Variants in OC90 observed in about 807,000 individuals in gnomAD.
The protein encoded by OC90 is otoconin-90.
In OC90, 46 loss-of-function variants were observed where a neutral mutation model predicts 47.3. That is an observed-to-expected ratio of 0.97 (90% CI 0.77 to 1.24). The LOEUF is 1.24. OC90 is among the 50% of genes most tolerant of loss of function. The probability of loss-of-function intolerance (pLI) is 0.00; values close to 1 mark genes in which losing one functional copy is unlikely to be tolerated. For missense variants in OC90, 688 were observed against 583.9 expected, an observed-to-expected ratio of 1.18 and a Z score of -1.84; for synonymous variants, 271 against 219.5, an observed-to-expected ratio of 1.23 and a Z score of -2.07.
At chr8:132,054,051 T>A (rs1304363044) in intron 2 of OC90, among the ~76,000 whole-genome samples, 1 of 152,254 alleles carries the variant, frequency 6.6e-6, no homozygotes, top group African/African-American at 2.4e-5. Flanking sequence ...GGGGCAGCCA[T>A]GAGAAGGGAC....
chr8:132,028,621 G>A (rs1822807409), intron 13 of OC90, among the ~76,000 whole-genome samples: 2 of 45,186 alleles, frequency 4.4e-5, no homozygotes, highest in African/African-American at 1.2e-4. Context: ...GAAGGAGGAA[G>A]GAAGGAAGGA....
Position 132,035,927 on chromosome 8 carries a change from G to C in OC90, c.680-1093C>G, listed in dbSNP as rs186451818. Among the ~76,000 whole-genome samples the C allele has an allele frequency of 2.6e-5, 4 of 152,180 alleles. No homozygotes were observed. In the South Asian group the frequency reaches 8.3e-4, roughly 32 times the overall value. On this transcript the variant is annotated intron_variant, in intron 9 of 13. Transcript: ENST00000254627. ...GAGGCCCTCAACAAGATCACTGCTC[G>C]TTAACCAAAGAACCCATTTACTTAC...
At chr8:132,029,009 G>A in intron 13 of OC90, 64 bp downstream of exon 13, 1 of 1,114,082 alleles carries the variant, frequency 9.0e-7, no homozygotes, top group Non-Finnish European at 1.4e-6. Flanking sequence ...CCACAAGTCT[G>A]AGCTACAGTC....
rs1168690544 is a variant in OC90, at chr8:132,032,009, G to C, written c.903C>G (p.Asn301Lys). 2 of 1,614,008 alleles carry C rather than the reference G, an allele frequency of 1.2e-6. No individual in the cohort carries two copies. The highest frequency in any genetic ancestry group is 4.5e-5 in the East Asian group (2 of 44,876). Residue 301 changes from asparagine (N) to lysine (K), a missense_variant, in exon 12 of 14, where the codon AAC (asparagine) becomes AAG (lysine). Coordinates refer to ENST00000254627, the MANE Select transcript of OC90 (RefSeq NM_001080399.3). Reference sequence around the variant, plus strand: ...CTCCAAGCTGTGGCATCACCTGCATGTTGTCCCCACTTCCCAGGTGCAGGA... The same window carrying C: ...CTCCAAGCTGTGGCATCACCTGCATCTTGTCCCCACTTCCCAGGTGCAGGA... ...FTFLHLGSGD[N>K]MQVMPQLGEM...
intron 1 of OC90, among the ~76,000 whole-genome samples, chr8:132,057,563 T>C (rs1823293181): frequency 6.6e-6 from 1 of 152,140 alleles, no homozygotes; most frequent in African/African-American, 2.4e-5. Context: ...GTCCTGGAGG[T>C]GGACAGTGGC....
rs775171724 is a variant in OC90 at position 132,024,615 on chromosome 8, C to T, written c.1300G>A (p.Ala434Thr). 3.5e-5 allele frequency: 56 copies of T among 1,613,274 alleles called. No individual in the cohort carries two copies. Among genetic ancestry groups the T allele is most frequent in the South Asian group, 8.8e-5 (8 of 90,966 alleles). ...GAGCTGGAGCCCAGGGTGGGGGCTG[C>T]GGGCACAGGGTGCAGGCTGTCTTCA... ...ACEDSLHPVP[A>T]APTLGSSSEE... is the part of the protein sequence containing the mutation. The change falls in exon 14 of 14, where the codon GCA (alanine) becomes ACA (threonine). Residue 434 changes from alanine (A) to threonine (T), a missense_variant. Ala to Thr is a moderately conservative substitution (Grantham distance 58). Transcript: ENST00000254627.
chr8:132,041,689 G>T lies in OC90; in HGVS notation c.180C>A (p.Gly60=). The T allele has an allele frequency of 6.3e-7, 1 of 1,579,978 alleles. No homozygotes were observed. The part of the protein sequence containing the change: ...ESVAEIFDCL[G]PHFTWLQAVF... ...CAGCCTGCAGCCAGGTGAAGTGGGG[G>T]CCCAGGCAATCTGTGGGGGTGGGGG... The change falls in exon 5 of 14, where the codon GGC becomes GGA. Residue 60 remains glycine, a synonymous_variant. Coordinates refer to ENST00000254627, the MANE Select transcript of OC90 (RefSeq NM_001080399.3).
chr8:132,041,949 CCTTAGGGTATTT>C (rs1460046691), intron 4 of OC90, among the ~76,000 whole-genome samples: 5 of 152,158 alleles, frequency 3.3e-5, no homozygotes, highest in African/African-American at 1.2e-4. Context: ...TACCTAAGTT[CCTTAGGGTATTT>C]CATAATCACT....
intron 1 of OC90, among the ~76,000 whole-genome samples, 159 bp downstream of exon 1, chr8:132,059,182 C>A (rs1383490203): frequency 6.6e-6 from 1 of 151,028 alleles, no homozygotes; most frequent in Non-Finnish European, 1.5e-5. Flanking sequence ...TCCCTCCCTC[C>A]CTCACTCTTT....
At chr8:132,040,900 C>T (rs866935531) in intron 6 of OC90, 144 bp downstream of exon 6, 12 of 630,150 alleles carry the variant, frequency 1.9e-5, no homozygotes, top group East Asian at 5.3e-5. Flanking sequence ...ATCCAGCCCT[C>T]GTGGGGCTCT....
At chr8:132,053,523 T>C (rs960517867) in intron 2 of OC90, among the ~76,000 whole-genome samples, 1 of 152,184 alleles carries the variant, frequency 6.6e-6, no homozygotes, top group Non-Finnish European at 1.5e-5. Context: ...CATCTTTAGA[T>C]AGTGGAATGA....
chr8:132,032,130 G>A (rs906548016), intron 11 of OC90, 78 bp from the exon 12 acceptor site: 34 of 1,344,402 alleles, frequency 2.5e-5, no homozygotes, highest in Admixed American at 1.8e-4. Context: ...GTGAGCCTCC[G>A]GGTTGTATGT....
intron 4 of OC90, among the ~76,000 whole-genome samples, chr8:132,042,311 C>T (rs1040167282): frequency 6.6e-6 from 1 of 152,128 alleles, no homozygotes; most frequent in African/African-American, 2.4e-5. Context: ...GTTGAGCTAC[C>T]ACACGCATAT....
In OC90 at chr8:132,037,446, GA is replaced by G; in HGVS notation, c.670del (p.Ser224GlnfsTer26). The G allele has an allele frequency of 6.3e-7, 1 of 1,583,830 alleles. No individual in the cohort carries two copies. Among genetic ancestry groups the G allele is most frequent in the Admixed American group, 1.8e-5 (1 of 55,920 alleles). On this transcript the variant is annotated frameshift_variant, in exon 9 of 14. Coordinates refer to ENST00000254627, the MANE Select transcript of OC90 (RefSeq NM_001080399.3). LOFTEE classifies it high-confidence loss of function. ...EPTDTSLTAL[S>X]GEEAGHDQEG... The stretch of plus-strand genomic sequence containing the variant: ...AGCCCCTTCTGGCTCACCTTCTCCT[GA>G]AAGGGCTGTCAGGCTGGTGTCTGTG...
intron 10 of OC90, 121 bp downstream of exon 10, chr8:132,034,660 C>T (rs1472325014): frequency 2.9e-6 from 2 of 678,454 alleles, no homozygotes; most frequent in South Asian, 2.1e-5. Context: ...GCCCCATCAC[C>T]TCCCATGCTG....
At chr8:132,059,122 C>T (rs1254604641) in intron 1 of OC90, among the ~76,000 whole-genome samples, 2 of 149,160 alleles carry the variant, frequency 1.3e-5, no homozygotes, top group Non-Finnish European at 3.0e-5. Flanking sequence ...CTTTTCTTCC[C>T]TCCCCTCCTT....
chr8:132,058,673 G>T (rs1469810956), intron 1 of OC90, among the ~76,000 whole-genome samples: 3 of 152,196 alleles, frequency 2.0e-5, no homozygotes, highest in Admixed American at 2.0e-4. Context: ...AATCATGAGG[G>T]TTAAATCTGA....
intron 9 of OC90, among the ~76,000 whole-genome samples, chr8:132,035,910 C>T (rs993317383): frequency 2.0e-5 from 3 of 152,220 alleles, no homozygotes; most frequent in Non-Finnish European, 4.4e-5. Flanking sequence ...AGGAGGCCCT[C>T]AACAAGATCA....
chr8:132,028,607 GAGGGAAGGAGGAAGGAAGGAAGGAAGGAA>G (rs1822805700), intron 13 of OC90, among the ~76,000 whole-genome samples: 2 of 55,050 alleles, frequency 3.6e-5, no homozygotes, highest in African/African-American at 1.2e-4. Flanking sequence ...AGGAGGGAAG[GAGGGAAGGAGGAAGGAAGGAAGGAAGGAA>G]AGAAAGGAAG....
Sources: gnomAD v4.1 joint callset for allele counts (sites outside exome capture counted in the v4.1 genomes callset) on GRCh38, gnomAD v4.1.1 for gene constraint, MANE v1.5 for transcripts, NCBI Gene and HGNC (gene_info 2026-07-23, HGNC 2026-07-21) for gene names.